Variants in COL6A3 observed in about 807,000 individuals in gnomAD.
COL6A3 encodes the protein collagen type VI alpha 3 chain, also known as collagen alpha-3(VI) chain.
In COL6A3, 137 loss-of-function variants were observed where a neutral mutation model predicts 274.1. The ratio of observed to expected loss-of-function variants is 0.50; its 90% CI spans 0.44 to 0.58. The LOEUF is 0.58. COL6A3 is among the 20% of genes least tolerant of loss of function. The probability of loss-of-function intolerance (pLI) is 0.00; values close to 1 mark genes in which losing one functional copy is unlikely to be tolerated. For synonymous variants in COL6A3, 1,650 were observed against 1,650.6 expected (o/e 1.00, Z 0.01); for missense variants, 3,950 against 4,124.9 (o/e 0.96, Z 1.16).
At chr2:237,335,483 T>C (rs1016648723) in intron 40 of COL6A3, among the ~76,000 whole-genome samples, 13 of 152,254 alleles carry the variant, frequency 8.5e-5, no homozygotes, top group Admixed American at 3.3e-4. Context: ...AGAGTCATTG[T>C]GGTTTTTGCC....
rs1342490907 is a variant in COL6A3 at position 237,363,461 on chromosome 2, T to A, written c.5918-63A>T. Reference sequence around the variant, plus strand: ...CATGTGGAAAATGCAATGTCCTTTTTTCCTGACTACATTTTTAAAGAAAAC... The same window carrying A: ...CATGTGGAAAATGCAATGTCCTTTTATCCTGACTACATTTTTAAAGAAAAC... On this transcript the variant is annotated intron_variant, in intron 13 of 43. Transcript: ENST00000295550. 24 of 1,585,884 alleles carry A rather than the reference T, an allele frequency of 1.5e-5. No individual in the cohort carries two copies. In the East Asian group the frequency reaches 4.7e-4, roughly 31 times the overall value.
Position 237,350,259 on chromosome 2 carries a change from A to G in COL6A3, c.6817-50T>C. ...ACCCTGTGGCCTGGGGCTGGCTTACAGTGTGATGCCAAGCCATGCTTTTGC... is the reference window on the plus strand; with the variant it reads ...ACCCTGTGGCCTGGGGCTGGCTTACGGTGTGATGCCAAGCCATGCTTTTGC... On this transcript the variant is annotated intron_variant, in intron 27 of 43. Coordinates refer to ENST00000295550, the MANE Select transcript of COL6A3 (RefSeq NM_004369.4). 3 of 1,568,360 alleles carry G rather than the reference A, an allele frequency of 1.9e-6. No homozygotes were observed. The South Asian group carries it at 3.3e-5, about 17-fold the overall frequency.
At position 237,413,510 on chromosome 2, in the gene COL6A3, G is replaced by C. The variant is rs1395427795; in HGVS notation, c.-31+443C>G. Among the ~76,000 whole-genome samples the C allele has an allele frequency of 6.6e-6, 1 of 152,200 alleles. No individual in the cohort carries two copies. The highest frequency in any genetic ancestry group is 1.5e-5 in the Non-Finnish European group (1 of 68,026). On this transcript the variant is annotated intron_variant, in intron 1 of 43. Transcript: ENST00000295550. This position sits in a 1 kb window ranked among gnomAD's most constrained non-coding sequence, Gnocchi z 4.0. ...ATGCAGGTTGTTGCACCCTGACCTA[G>C]TGTCACCACCCAGAGAGCTCAGAGA...
intron 7 of COL6A3, 69 bp from the exon 8 acceptor site, chr2:237,375,089 C>A: frequency 1.2e-6 from 2 of 1,601,042 alleles, no homozygotes; most frequent in Non-Finnish European, 1.7e-6. Flanking sequence ...ACGAGGTGGG[C>A]TGCATAAGAG....
chr2:237,388,782 A>C (rs934609271), intron 3 of COL6A3, among the ~76,000 whole-genome samples: 3 of 152,196 alleles, frequency 2.0e-5, no homozygotes, highest in South Asian at 4.1e-4. Flanking sequence ...TGTACATGCA[A>C]CTTCGTGAAT....
intron 2 of COL6A3, among the ~76,000 whole-genome samples, chr2:237,395,845 G>C (rs1206229970): frequency 6.6e-6 from 1 of 152,176 alleles, no homozygotes. Flanking sequence ...AGCCAGAAAA[G>C]TCTCCATAGA....
At position 237,413,749 on chromosome 2, in the gene COL6A3, C is replaced by T. The variant is rs527698230; in HGVS notation, c.-31+204G>A. Among the ~76,000 whole-genome samples, 4 of 152,326 alleles carry T rather than the reference C, an allele frequency of 2.6e-5. No individual in the cohort carries two copies. Among genetic ancestry groups the T allele is most frequent in the Non-Finnish European group, 5.9e-5 (4 of 68,030 alleles). Reference sequence around the variant, plus strand: ...GCTCACACTCTTAGGCAATCATGACCTTAACCAATTTAAGGAAATCCCATT... The same window carrying T: ...GCTCACACTCTTAGGCAATCATGACTTTAACCAATTTAAGGAAATCCCATT... On this transcript the variant is annotated intron_variant, in intron 1 of 43. Transcript: ENST00000295550. The surrounding 1 kb of genome is among the most constrained non-coding windows in gnomAD (Gnocchi z 4.0).
intron 4 of COL6A3, 43 bp from the exon 5 acceptor site, chr2:237,381,542 A>G (rs1242362134): frequency 6.9e-7 from 1 of 1,457,434 alleles, no homozygotes; most frequent in Admixed American, 1.8e-5. Context: ...TGGCCTTACC[A>G]AGCACAATCA....
Position 237,378,823 on chromosome 2 carries a change from G to A in COL6A3, c.2310C>T (p.Gly770=). 1 of 1,614,240 alleles carries A rather than the reference G, an allele frequency of 6.2e-7. No individual in the cohort carries two copies. Among genetic ancestry groups the A allele is most frequent in the Non-Finnish European group, 8.5e-7 (1 of 1,180,046 alleles). The change falls in exon 6 of 44, where the codon GGC becomes GGT. Residue 770 remains glycine (G), a synonymous_variant. Transcript: ENST00000295550. Reference sequence around the variant, plus strand: ...TAGCTCCCACACAAAAAGTCAGGATGCCCGCGCGTGTCAAGGCGTTGGCAG... The same window carrying A: ...TAGCTCCCACACAAAAAGTCAGGATACCCGCGCGTGTCAAGGCGTTGGCAG... ...LQAANALTRA[G]ILTFCVGASQ... is the part of the protein sequence containing the mutation.
At chr2:237,354,989 G>T in intron 23 of COL6A3, 55 bp from the exon 24 acceptor site, 1 of 1,516,948 alleles carries the variant, frequency 6.6e-7, no homozygotes, top group East Asian at 2.3e-5. Context: ...CGCTGGGCAT[G>T]GGGCCTAGAG....
In COL6A3 at chr2:237,336,506, C is replaced by T. The variant is rs1278055115; in HGVS notation, c.8594G>A (p.Ser2865Asn). 6.2e-7 allele frequency: 1 copy of T among 1,614,208 alleles called. No homozygotes were observed. The highest frequency in any genetic ancestry group is 8.5e-7 in the Non-Finnish European group (1 of 1,180,048). ...QVNVPNNVTS[S>N]PTSNPVTTTK... The stretch of plus-strand genomic sequence containing the variant: ...TGTCGTCACTGGGTTGGATGTAGGA[C>T]TTGAAGTAACGTTATTCGGAACATT... The change falls in exon 40 of 44, where the codon AGT (serine) becomes AAT (asparagine). Residue 2865 changes from serine (S) to asparagine (N), a missense_variant. Coordinates refer to ENST00000295550, the MANE Select transcript of COL6A3 (RefSeq NM_004369.4).
In COL6A3 at chr2:237,371,526, A is replaced by G; in HGVS notation, c.4285+206T>C. ...AGTGGGAGGTTGGCTGGATCCCAGA[A>G]GGCAGAGGTTAAAATGAGTTATGAT... is the stretch of plus-strand genomic sequence containing the variant. On this transcript the variant is annotated intron_variant, in intron 9 of 43. Transcript: ENST00000295550. The surrounding 1 kb of genome is among the most constrained non-coding windows in gnomAD (Gnocchi z 4.3). 8.7e-7 allele frequency: 1 copy of G among 1,150,320 alleles called. No individual in the cohort carries two copies. Among genetic ancestry groups the G allele is most frequent in the Non-Finnish European group, 1.2e-6 (1 of 867,472 alleles). 71.3% of individuals were successfully genotyped at this position (1,150,320 alleles called of 1,614,324 possible).
In COL6A3 at chr2:237,378,767, A is replaced by G. The variant is rs771810923; in HGVS notation, c.2366T>C (p.Ile789Thr). 5 of 1,614,132 alleles carry G rather than the reference A, an allele frequency of 3.1e-6. No homozygotes were observed. Among genetic ancestry groups the G allele is most frequent in the African/African-American group, 2.7e-5 (2 of 74,944 alleles). The change falls in exon 6 of 44, where the codon ATT becomes ACT. Residue 789 changes from isoleucine (I) to threonine (T), a missense_variant. Physicochemically the swap from Ile to Thr is moderately conservative, Grantham distance 89 (BLOSUM62 -1). This residue lies in a region of COL6A3 where 1,934 missense variants were observed against 1,984.3 expected (regional missense o/e 0.97). Transcript: ENST00000295550. ...ATACACCAGGCTTGGGTTAAAAGCA[A>G]TCTGCTCAAGCTCTGCCTTATTCGC... ...SQANKAELEQ[I>T]AFNPSLVYLM... is the part of the protein sequence containing the mutation.
intron 4 of COL6A3, chr2:237,386,410 G>A (rs981789769): frequency 1.3e-5 from 2 of 152,118 alleles, no homozygotes; most frequent in African/African-American, 4.8e-5. Context: ...TTGATCAATT[G>A]TAATTGATAC....
rs993297723 is a variant in COL6A3 at position 237,394,591 on chromosome 2, G to T, written c.705C>A (p.Ile235=). 6.2e-7 allele frequency: 1 copy of T among 1,613,888 alleles called. No individual in the cohort carries two copies. Among genetic ancestry groups the T allele is most frequent in the African/African-American group, 1.3e-5 (1 of 74,926 alleles). ...RAGDTETLKD[I]TAQDSADIIF... Reference sequence around the variant, plus strand: ...GCTTGGTGGCGTTGCCATTACCTGTGATGTCTTTAAGGGTTTCCGTGTCCC... The same window carrying T: ...GCTTGGTGGCGTTGCCATTACCTGTTATGTCTTTAAGGGTTTCCGTGTCCC... Residue 235 remains isoleucine (I), a synonymous_variant, in exon 3 of 44, where the codon ATC becomes ATA. Transcript: ENST00000295550.
intron 39 of COL6A3, 35 bp downstream of exon 39, chr2:237,338,980 C>T (rs375006792): frequency 3.2e-6 from 5 of 1,563,734 alleles, no homozygotes; most frequent in Non-Finnish European, 4.4e-6. Flanking sequence ...CCCTGCAGCG[C>T]TACAATTTTT....
At chr2:237,348,475 G>A in intron 29 of COL6A3, 91 bp from the exon 30 acceptor site, 2 of 1,340,592 alleles carry the variant, frequency 1.5e-6, no homozygotes, top group South Asian at 1.2e-5. Flanking sequence ...TGTCTGCTGA[G>A]TCATCAAACG....
rs1170327639 is a variant in COL6A3 at position 237,355,038 on chromosome 2, G to C, written c.6592-104C>G. 3.6e-6 allele frequency: 4 copies of C among 1,105,598 alleles called. No homozygotes were observed. In the South Asian group the frequency reaches 5.5e-5, roughly 15 times the overall value. The allele number at this position is 1,105,598 out of a possible 1,614,324, so 68.5% of individuals were successfully genotyped here. On this transcript the variant is annotated intron_variant, in intron 23 of 43. Transcript: ENST00000295550. ...CACCCTCTTATTCTGCGGTTACTCA[G>C]GGGAATCTTCCCAAGCACCCACATC... is the stretch of plus-strand genomic sequence containing the variant.
intron 4 of COL6A3, among the ~76,000 whole-genome samples, chr2:237,386,153 TCTAA>T (rs1483423539): frequency 6.6e-6 from 1 of 152,326 alleles, no homozygotes; most frequent in Admixed American, 6.5e-5. Flanking sequence ...GCAAGTTCAA[TCTAA>T]CTCAGTGTGA....
Sources: gnomAD v4.1 joint callset for allele counts (sites outside exome capture counted in the v4.1 genomes callset) on GRCh38, gnomAD v4.1.1 for gene constraint, gnomAD v4.1.1 regional missense constraint, Gnocchi (gnomAD v3.1) non-coding constraint, MANE v1.5 for transcripts, NCBI Gene and HGNC (gene_info 2026-07-23, HGNC 2026-07-21) for gene names.